Variants in FAAH2 observed in about 807,000 individuals in gnomAD.
The protein encoded by FAAH2 is fatty acid amide hydrolase 2.
A neutral mutation model predicts 36.9 loss-of-function variants in FAAH2; 60 were observed. The ratio of observed to expected loss-of-function variants is 1.63; its 90% CI spans 1.32 to 2.02. FAAH2 has a LOEUF of 2.02. Ranked by LOEUF, FAAH2 falls within the 30% of genes most tolerant of loss-of-function variation. The pLI is 0.00. For synonymous variants in FAAH2, 214 were observed against 143.8 expected (o/e 1.49, Z -3.49); for missense variants, 689 against 397.5 (o/e 1.73, Z -6.23).
chrX:57,288,582 C>T (rs1349699490), intron 1 of FAAH2, among the ~76,000 whole-genome samples: 3 of 108,975 alleles, frequency 2.8e-5, no homozygotes, highest in Non-Finnish European at 5.7e-5. Context: ...GATCTCCGGA[C>T]CTCGTGATCC....
At chrX:57,284,976 G>T (rs1472072729), upstream of FAAH2, among the ~76,000 whole-genome samples, 2 of 112,115 alleles carry the variant, frequency 1.8e-5, no homozygotes, top group East Asian at 2.8e-4. Flanking sequence ...TCACATATTT[G>T]TCATTTACAA....
the FAAH2 span, among the ~76,000 whole-genome samples, chrX:57,241,817 C>T: frequency 9.0e-6 from 1 of 111,528 alleles, no homozygotes; most frequent in Admixed American, 9.6e-5. Flanking sequence ...TTCTGAGTTA[C>T]TTCACTTAGA....
At chrX:57,159,966 C>T in the FAAH2 span, among the ~76,000 whole-genome samples, 1 of 111,667 alleles carries the variant, frequency 9.0e-6, no homozygotes, top group Non-Finnish European at 1.9e-5. Context: ...ATGATATTGA[C>T]TGTGGGTTTG....
chrX:57,206,164 G>T, the FAAH2 span, among the ~76,000 whole-genome samples: 1 of 111,793 alleles, frequency 8.9e-6, no homozygotes, highest in Admixed American at 9.5e-5. Context: ...TTTGTTAATT[G>T]CCCAGGGCTA....
chrX:57,378,394 C>A (rs895880644), intron 5 of FAAH2, among the ~76,000 whole-genome samples: 4 of 111,037 alleles, frequency 3.6e-5, no homozygotes, highest in African/African-American at 1.3e-4. Flanking sequence ...TAAGTAGGGA[C>A]CCTGTTTCCA....
At chrX:57,427,431 T>A (rs2056189602) in intron 7 of FAAH2, among the ~76,000 whole-genome samples, 1 of 110,662 alleles carries the variant, frequency 9.0e-6, no homozygotes, top group South Asian at 3.8e-4. Flanking sequence ...AAGCCACATA[T>A]AAACATATGA....
chrX:57,247,108 G>T, the FAAH2 span, among the ~76,000 whole-genome samples: 1 of 111,208 alleles, frequency 9.0e-6, no homozygotes, highest in African/African-American at 3.3e-5. Flanking sequence ...TATATAGCAG[G>T]CCATGCTTGA....
chrX:57,284,179 C>G (rs1431105139), upstream of FAAH2, among the ~76,000 whole-genome samples: 2 of 111,681 alleles, frequency 1.8e-5, no homozygotes, highest in Non-Finnish European at 3.8e-5. Flanking sequence ...GTTAGTGTCC[C>G]AAGCTAATGG....
At chrX:57,432,957 C>A (rs994636111) in intron 8 of FAAH2, among the ~76,000 whole-genome samples, 2 of 107,228 alleles carry the variant, frequency 1.9e-5, no homozygotes, top group Non-Finnish European at 3.9e-5. Flanking sequence ...ACTCACACGA[C>A]CCTCTCTACC....
chrX:57,243,035 A>T, the FAAH2 span, among the ~76,000 whole-genome samples: 42 of 111,818 alleles, frequency 3.8e-4, no homozygotes, highest in African/African-American at 1.3e-3. Context: ...CAGCAGTATG[A>T]AGTCAATCTG....
intron 10 of FAAH2, among the ~76,000 whole-genome samples, chrX:57,469,182 T>A (rs2057109520): frequency 8.9e-6 from 1 of 111,985 alleles, no homozygotes; most frequent in Non-Finnish European, 1.9e-5. Flanking sequence ...AGGAAGAAAC[T>A]GCATCAACTA....
intron 2 of FAAH2, among the ~76,000 whole-genome samples, chrX:57,300,130 A>G (rs1434971950): frequency 9.0e-6 from 1 of 111,598 alleles, no homozygotes; most frequent in Non-Finnish European, 1.9e-5. Flanking sequence ...TAGAACCAAA[A>G]AAGAGCCCGC....
At chrX:57,334,554 G>T (rs1311238005) in intron 4 of FAAH2, among the ~76,000 whole-genome samples, 1 of 110,343 alleles carries the variant, frequency 9.1e-6, no homozygotes, top group Non-Finnish European at 1.9e-5. Context: ...TTGAACAAAG[G>T]TAAAATAATG....
the FAAH2 span, among the ~76,000 whole-genome samples, chrX:57,162,766 A>T: frequency 9.0e-6 from 1 of 111,138 alleles, no homozygotes; most frequent in Non-Finnish European, 1.9e-5. Flanking sequence ...ATTCTTCTAA[A>T]TTTTTTTCAA....
the FAAH2 span, among the ~76,000 whole-genome samples, chrX:57,163,463 G>A: frequency 8.9e-6 from 1 of 111,744 alleles, no homozygotes; most frequent in Non-Finnish European, 1.9e-5. Flanking sequence ...CCCCAGCCTC[G>A]CTGCCGCCTT....
At chrX:57,321,224 A>G (rs2053014665) in intron 3 of FAAH2, among the ~76,000 whole-genome samples, 1 of 110,416 alleles carries the variant, frequency 9.1e-6, no homozygotes, top group Non-Finnish European at 1.9e-5. Context: ...GCAAACTAAC[A>G]CAAATCGGAA....
chrX:57,323,403 C>T (rs891357874), intron 3 of FAAH2, among the ~76,000 whole-genome samples: 3 of 111,705 alleles, frequency 2.7e-5, no homozygotes, highest in African/African-American at 9.8e-5. Flanking sequence ...CCTGAGGAAT[C>T]ACCACACGGA....
At chrX:57,254,446 T>C in the FAAH2 span, among the ~76,000 whole-genome samples, 1 of 111,901 alleles carries the variant, frequency 8.9e-6, no homozygotes, top group Non-Finnish European at 1.9e-5. Flanking sequence ...TATAGAACTC[T>C]CCACTCCAAA....
At chrX:57,235,635 C>A in the FAAH2 span, among the ~76,000 whole-genome samples, 3 of 112,227 alleles carry the variant, frequency 2.7e-5, no homozygotes, top group African/African-American at 9.7e-5. Flanking sequence ...GAAATTATAT[C>A]TGCTGAAAAT....
Sources: allele counts gnomAD v4.1 joint callset (sites outside exome capture counted in the v4.1 genomes callset), GRCh38; gene constraint gnomAD v4.1.1; transcripts MANE v1.5; gene names NCBI Gene and HGNC (gene_info 2026-07-23, HGNC 2026-07-21).